OPRD1: variants seen among roughly 807,000 people sequenced by gnomAD.
OPRD1 encodes the protein opioid receptor delta 1.
In OPRD1, 19 loss-of-function variants were observed where a neutral mutation model predicts 17.5. The observed-to-expected ratio is 1.09, with a 90% CI of 0.76 to 1.60. The LOEUF (loss-of-function observed/expected upper bound fraction) is 1.60. OPRD1 is among the 40% of genes most tolerant of loss of function. The probability of loss-of-function intolerance (pLI) is 0.00; values close to 1 mark genes in which losing one functional copy is unlikely to be tolerated. For missense variants in OPRD1, 483 were observed against 547.2 expected (o/e 0.88, Z 1.17); for synonymous variants, 256 against 240.9 (o/e 1.06, Z -0.58).
chr1:28,831,555 C>T (rs567853013), intron 1 of OPRD1, among the ~76,000 whole-genome samples: 2 of 152,056 alleles, frequency 1.3e-5, no homozygotes, highest in South Asian at 2.1e-4. Flanking sequence ...CATACTGACT[C>T]GGTCGGAGTT....
intron 1 of OPRD1, among the ~76,000 whole-genome samples, chr1:28,846,430 GAGAA>G (rs1225675915): frequency 8.4e-6 from 1 of 119,086 alleles, no homozygotes; most frequent in African/African-American, 2.6e-5. Context: ...ACATGGCAGA[GAGAA>G]AGAGAGAGAG....
At chr1:28,824,350 T>A (rs1230870294) in intron 1 of OPRD1, among the ~76,000 whole-genome samples, 2 of 146,736 alleles carry the variant, frequency 1.4e-5, no homozygotes, top group African/African-American at 2.5e-5. Flanking sequence ...CGTCTGGCTC[T>A]GTTGCCCAGG....
intron 2 of OPRD1, among the ~76,000 whole-genome samples, chr1:28,860,270 C>T (rs1210838605): frequency 6.6e-6 from 1 of 151,626 alleles, no homozygotes; most frequent in East Asian, 1.9e-4. Flanking sequence ...GAGGCTGAGG[C>T]AGGAGAATCA....
At chr1:28,835,176 C>G (rs888180751) in intron 1 of OPRD1, among the ~76,000 whole-genome samples, 1 of 152,142 alleles carries the variant, frequency 6.6e-6, no homozygotes, top group Non-Finnish European at 1.5e-5. Context: ...TGGGAGTCTG[C>G]GTTCTTGGGC....
intron 1 of OPRD1, among the ~76,000 whole-genome samples, chr1:28,857,018 G>A (rs1225492796): frequency 6.6e-6 from 1 of 152,004 alleles, no homozygotes; most frequent in Non-Finnish European, 1.5e-5. Flanking sequence ...ACACCCAGGG[G>A]GTCTCAGACC....
chr1:28,819,260 G>T (rs1447785304), intron 1 of OPRD1, among the ~76,000 whole-genome samples: 1 of 151,806 alleles, frequency 6.6e-6, no homozygotes, highest in Admixed American at 6.6e-5. Context: ...TGATCAGACT[G>T]GACAACATAG....
chr1:28,852,038 G>T (rs1466446821), intron 1 of OPRD1, among the ~76,000 whole-genome samples: 1 of 148,452 alleles, frequency 6.7e-6, no homozygotes, highest in Non-Finnish European at 1.5e-5. Context: ...GTGGTGGCGG[G>T]TGCCTGTAGT....
chr1:28,862,698 C>G, intron 2 of OPRD1, 44 bp from the exon 3 acceptor site: 1 of 1,533,774 alleles, frequency 6.5e-7, no homozygotes, highest in Non-Finnish European at 8.8e-7. Context: ...CTTAGGCACA[C>G]AGGCCCCTCA....
chr1:28,834,363 G>A (rs2088832315), intron 1 of OPRD1, among the ~76,000 whole-genome samples: 1 of 144,172 alleles, frequency 6.9e-6, no homozygotes. Context: ...GCATCACTAA[G>A]TATTTCTTTC....
Position 28,859,044 on chromosome 1 carries a change from T to C in OPRD1, c.318T>C (p.Ser106=), listed in dbSNP as rs1205894649. ...CCACCAGCACGCTGCCTTTCCAGAG[T>C]GCCAAGTACCTGATGGAGACGTGGC... ...ALATSTLPFQ[S]AKYLMETWPF... The change falls in exon 2 of 3, where the codon AGT becomes AGC. Residue 106 remains serine (S), a synonymous_variant. Coordinates refer to ENST00000234961, the MANE Select transcript of OPRD1 (RefSeq NM_000911.4). 1.9e-6 allele frequency: 3 copies of C among 1,614,160 alleles called. No homozygotes were observed. Among genetic ancestry groups the C allele is most frequent in the Admixed American group, 1.7e-5 (1 of 60,022 alleles).
intron 1 of OPRD1, among the ~76,000 whole-genome samples, chr1:28,842,516 C>G (rs529161812): frequency 1.3e-5 from 2 of 152,342 alleles, no homozygotes; most frequent in East Asian, 3.9e-4. Flanking sequence ...TACAACCAGT[C>G]TCCATCAAAC....
intron 1 of OPRD1, among the ~76,000 whole-genome samples, chr1:28,848,281 C>T (rs1158203287): frequency 6.6e-6 from 1 of 151,918 alleles, no homozygotes; most frequent in Non-Finnish European, 1.5e-5. Flanking sequence ...ACCCCAATAC[C>T]ATCACGTTGG....
chr1:28,815,355 C>T (rs1044702689), intron 1 of OPRD1, among the ~76,000 whole-genome samples: 1 of 152,224 alleles, frequency 6.6e-6, no homozygotes, highest in African/African-American at 2.4e-5. Context: ...GTCCACCCGC[C>T]TCGGCCTCCC....
intron 1 of OPRD1, among the ~76,000 whole-genome samples, chr1:28,816,520 C>G (rs960476551): frequency 6.6e-6 from 1 of 152,122 alleles, no homozygotes; most frequent in Non-Finnish European, 1.5e-5. Context: ...TGTCCTCTCT[C>G]CCCTCCAAGA....
rs181816284 is a variant in OPRD1 at position 28,821,935 on chromosome 1, C to T, written c.227+9325C>T. Among the ~76,000 whole-genome samples the T allele has an allele frequency of 2.7e-3, 401 of 150,394 alleles. 1 individual carries two copies. The highest frequency in any genetic ancestry group is 5.0e-3 in the Non-Finnish European group (340 of 67,816). ...GAACATTCTTAGACATGTGTGTTTG[C>T]GCACATCTCATTATTTCTTTCTTTT... On this transcript the variant is annotated intron_variant, in intron 1 of 2. Transcript: ENST00000234961.
chr1:28,852,321 A>T (rs1375093307), intron 1 of OPRD1, among the ~76,000 whole-genome samples: 1 of 152,214 alleles, frequency 6.6e-6, no homozygotes, highest in Non-Finnish European at 1.5e-5. Flanking sequence ...GGAATGTTTG[A>T]GGAGATTTAG....
intron 2 of OPRD1, 67 bp from the exon 3 acceptor site, chr1:28,862,675 C>G: frequency 6.8e-7 from 1 of 1,473,004 alleles, no homozygotes; most frequent in African/African-American, 1.4e-5. Flanking sequence ...GGTGGGCAAG[C>G]AGGTGGGGGC....
At chr1:28,833,268 C>G (rs552879439) in intron 1 of OPRD1, among the ~76,000 whole-genome samples, 30 of 152,338 alleles carry the variant, frequency 2.0e-4, no homozygotes, top group African/African-American at 7.0e-4. Flanking sequence ...TGGTGGGTGT[C>G]ACTGCCCTTT....
Position 28,863,227 on chromosome 1 carries a change from G to T in OPRD1, c.1063G>T (p.Glu355Ter). 2.6e-6 allele frequency: 4 copies of T among 1,567,912 alleles called. No homozygotes were observed. The highest frequency in any genetic ancestry group is 3.4e-6 in the Non-Finnish European group (4 of 1,164,644). ...FSRAREATAR[E>*]RVTACTPSDG... ...CCGCGCCCGCGAAGCCACGGCCCGC[G>T]AGCGTGTCACCGCCTGCACCCCGTC... Residue 355 changes from glutamate to a stop codon, truncating the protein, a stop_gained, in exon 3 of 3, where the codon GAG (glutamate) becomes TAG (stop). Transcript: ENST00000234961. LOFTEE classifies it high-confidence loss of function.
Sources: gnomAD v4.1 joint callset for allele counts (sites outside exome capture counted in the v4.1 genomes callset) on GRCh38, gnomAD v4.1.1 for gene constraint, MANE v1.5 for transcripts, NCBI Gene and HGNC (gene_info 2026-07-23, HGNC 2026-07-21) for gene names.